The following NXPE2 variants were observed in gnomAD, a reference collection of about 807,000 sequenced individuals.
NXPE2 encodes the protein NXPE family member 2.
A neutral mutation model predicts 34.4 loss-of-function variants in NXPE2; 34 were observed. The ratio of observed to expected loss-of-function variants is 0.99; its 90% CI spans 0.75 to 1.31. The LOEUF is 1.31. Among genes scored for constraint, NXPE2 ranks in the 40% most tolerant of loss-of-function variants. NXPE2 has a pLI of 0.00. For missense variants in NXPE2, 649 were observed against 672.5 expected, an observed-to-expected ratio of 0.97 and a Z score of 0.39; for synonymous variants, 235 against 231.3, an observed-to-expected ratio of 1.02 and a Z score of -0.15.
At chr11:114,750,432 G>T in the NXPE2 span, among the ~76,000 whole-genome samples, 1 of 152,152 alleles carries the variant, frequency 6.6e-6, no homozygotes, top group Non-Finnish European at 1.5e-5. Context: ...TTTGTTGAAA[G>T]ATTTTATTGG....
At chr11:114,630,465 G>C in the NXPE2 span, among the ~76,000 whole-genome samples, 5 of 151,758 alleles carry the variant, frequency 3.3e-5, no homozygotes, top group Admixed American at 2.6e-4. Flanking sequence ...AAACTGGCTA[G>C]CCATATGTAG....
At chr11:114,739,572 T>A in the NXPE2 span, among the ~76,000 whole-genome samples, 4 of 152,238 alleles carry the variant, frequency 2.6e-5, no homozygotes, top group African/African-American at 9.6e-5. Context: ...GCTAATTTTG[T>A]GTGTATGTGT....
chr11:114,618,752 G>T, the NXPE2 span, among the ~76,000 whole-genome samples: 7 of 152,040 alleles, frequency 4.6e-5, no homozygotes, highest in Admixed American at 4.6e-4. Flanking sequence ...TATCTCGTGC[G>T]TAGCCACTGT....
At chr11:114,624,105 T>A in the NXPE2 span, among the ~76,000 whole-genome samples, 61 of 151,536 alleles carry the variant, frequency 4.0e-4, 1 homozygote, top group East Asian at 3.9e-4. Flanking sequence ...ATAGGTTTTA[T>A]GTCGTGGGTA....
the NXPE2 span, chr11:114,530,092 C>T: frequency 7.2e-7 from 1 of 1,393,942 alleles, no homozygotes; most frequent in Non-Finnish European, 9.7e-7. Flanking sequence ...CTGAGTCATG[C>T]TCAATGTTGC....
chr11:114,724,773 C>T, the NXPE2 span, among the ~76,000 whole-genome samples: 1 of 151,924 alleles, frequency 6.6e-6, no homozygotes, highest in East Asian at 1.9e-4. Context: ...ACCTTTTCCA[C>T]CCCTCTCTGC....
At chr11:114,808,050 T>C in the NXPE2 span, among the ~76,000 whole-genome samples, 2 of 152,142 alleles carry the variant, frequency 1.3e-5, no homozygotes, top group East Asian at 1.9e-4. Flanking sequence ...CACTCAAAAC[T>C]GCTCAACTAC....
the NXPE2 span, among the ~76,000 whole-genome samples, chr11:114,520,851 T>G: frequency 6.6e-6 from 1 of 152,314 alleles, no homozygotes; most frequent in East Asian, 1.9e-4. Flanking sequence ...ATAGGTGGTG[T>G]TGTATACTTT....
the NXPE2 span, among the ~76,000 whole-genome samples, chr11:114,600,534 GA>G: frequency 1.3e-5 from 2 of 151,906 alleles, no homozygotes; most frequent in African/African-American, 2.4e-5. Flanking sequence ...ATTTTGCATA[GA>G]AAAAAATTGA....
intron 2 of NXPE2, among the ~76,000 whole-genome samples, chr11:114,683,908 G>A (rs1353466336): frequency 7.5e-6 from 1 of 134,148 alleles, no homozygotes; most frequent in Non-Finnish European, 1.6e-5. Context: ...GACTGTGGGA[G>A]GTAAAGAGGT....
the NXPE2 span, among the ~76,000 whole-genome samples, chr11:114,727,061 C>T: frequency 6.6e-6 from 1 of 152,108 alleles, no homozygotes; most frequent in Non-Finnish European, 1.5e-5. Flanking sequence ...ACTCTTTCAG[C>T]TTCCACTCAG....
At chr11:114,567,089 T>C in the NXPE2 span, among the ~76,000 whole-genome samples, 1 of 152,160 alleles carries the variant, frequency 6.6e-6, no homozygotes, top group Non-Finnish European at 1.5e-5. Flanking sequence ...CTAGTGTTTT[T>C]GGTATGGGGA....
chr11:114,576,409 A>G, the NXPE2 span, among the ~76,000 whole-genome samples: 1 of 152,224 alleles, frequency 6.6e-6, no homozygotes, highest in South Asian at 2.1e-4. Flanking sequence ...CAGAGTTAAC[A>G]GACAACTCAC....
the NXPE2 span, among the ~76,000 whole-genome samples, chr11:114,731,586 C>A: frequency 6.6e-6 from 1 of 152,056 alleles, no homozygotes; most frequent in Non-Finnish European, 1.5e-5. Flanking sequence ...GAATAAATCG[C>A]AAGAGGATGA....
the NXPE2 span, chr11:114,582,549 G>T: frequency 1.1e-5 from 17 of 1,614,052 alleles, no homozygotes; most frequent in Middle Eastern, 1.6e-4. Flanking sequence ...ACTCCAGAGA[G>T]CTGACACCCC....
At chr11:114,736,427 C>T in the NXPE2 span, among the ~76,000 whole-genome samples, 27,068 of 152,084 alleles carry the variant, frequency 0.18, 2,820 homozygotes, top group East Asian at 0.37. Context: ...AAGAATTGAG[C>T]GATATTTCTC....
chr11:114,492,213 G>A, the NXPE2 span, among the ~76,000 whole-genome samples: 2 of 151,808 alleles, frequency 1.3e-5, no homozygotes, highest in African/African-American at 4.8e-5. Context: ...TTGATATTTT[G>A]TATTTTTTGT....
chr11:114,689,463 T>A (rs1364545985), intron 2 of NXPE2, among the ~76,000 whole-genome samples: 1 of 152,134 alleles, frequency 6.6e-6, no homozygotes, highest in Admixed American at 6.6e-5. Flanking sequence ...TGGTATGATT[T>A]CAATATTTTT....
chr11:114,570,942 C>G, the NXPE2 span: 9 of 1,568,744 alleles, frequency 5.7e-6, no homozygotes, highest in Non-Finnish European at 7.8e-6. Context: ...TGTTATTTAA[C>G]AAATATAGTT....
Sources: allele counts gnomAD v4.1 joint callset (sites outside exome capture counted in the v4.1 genomes callset), GRCh38; gene constraint gnomAD v4.1.1; transcripts MANE v1.5; gene names NCBI Gene and HGNC (gene_info 2026-07-23, HGNC 2026-07-21).